PCDHGC3: variants seen among roughly 807,000 people sequenced by gnomAD.
PCDHGC3 encodes the protein protocadherin gamma-C3.
A neutral mutation model predicts 59.2 loss-of-function variants in PCDHGC3; 26 were observed. The observed-to-expected ratio is 0.44, with a 90% CI of 0.32 to 0.61. PCDHGC3 has a LOEUF of 0.61. PCDHGC3 is among the 20% of genes least tolerant of loss of function. The pLI, the probability that PCDHGC3 is intolerant of heterozygous loss-of-function variation, is 0.05. For missense variants in PCDHGC3, 1,080 were observed against 1,221.8 expected (o/e 0.88, Z 1.73); for synonymous variants, 487 against 519.7 (o/e 0.94, Z 0.86).
Position 141,485,495 on chromosome 5 carries a change from T to C in PCDHGC3, c.2430+6949T>C. 1 of 1,613,494 alleles carries C rather than the reference T, an allele frequency of 6.2e-7. No homozygotes were observed. Among genetic ancestry groups the C allele is most frequent in the African/African-American group, 1.3e-5 (1 of 74,780 alleles). On this transcript the variant is annotated intron_variant, in intron 1 of 3. Coordinates refer to ENST00000308177, the MANE Select transcript of PCDHGC3 (RefSeq NM_002588.4). This position sits in a 1 kb window ranked among gnomAD's most constrained non-coding sequence, Gnocchi z 5.7. ...TGCCAGCTGCATCGTGCCCCTGGAG[T>C]TTGTCACCGAAGGTCCTTTGGAAAT...
chr5:141,481,676 G>T (rs975849679), intron 1 of PCDHGC3, among the ~76,000 whole-genome samples: 1 of 152,028 alleles, frequency 6.6e-6, no homozygotes, highest in Non-Finnish European at 1.5e-5. Flanking sequence ...AAATCAGGCC[G>T]GGCCTGGTGG....
rs748972821 is a variant in PCDHGC3 at position 141,476,094 on chromosome 5, GAGAGGAACT to G, written c.-22_-14del. ...TCTCAGGGACGATCTGGACCCCGCT[GAGAGGAACT>G]GCTTTTGAGTGAGATGGTCCCAGAG... is the stretch of plus-strand genomic sequence containing the variant. On this transcript the variant is annotated 5_prime_UTR_variant, in exon 1 of 4. Coordinates refer to ENST00000308177, the MANE Select transcript of PCDHGC3 (RefSeq NM_002588.4). This position sits in a 1 kb window ranked among gnomAD's most constrained non-coding sequence, Gnocchi z 7.6. 6.4e-7 allele frequency: 1 copy of G among 1,568,172 alleles called. No individual in the cohort carries two copies. The highest frequency in any genetic ancestry group is 1.2e-5 in the South Asian group (1 of 85,292).
In PCDHGC3 at chr5:141,477,428, T is replaced by C; in HGVS notation, c.1312T>C (p.Ser438Pro). The change falls in exon 1 of 4, where the codon TCA becomes CCA. Residue 438 changes from serine (S) to proline (P), a missense_variant. Ser to Pro is a moderately conservative substitution (Grantham distance 74). Transcript: ENST00000308177. The surrounding 1 kb of genome is among the most constrained non-coding windows in gnomAD (Gnocchi z 4.9). ...CCGAGACGCCGGAACCCCTTCCCTC[T>C]CAGCCCTTACAATAGTGCGTGTTCA... ...TARDAGTPSL[S>P]ALTIVRVQVS... The C allele has an allele frequency of 6.2e-7, 1 of 1,614,142 alleles. No individual in the cohort carries two copies. Among genetic ancestry groups the C allele is most frequent in the Non-Finnish European group, 8.5e-7 (1 of 1,180,036 alleles).
chr5:141,492,720 A>G (rs1161942205), intron 1 of PCDHGC3, among the ~76,000 whole-genome samples: 1 of 152,256 alleles, frequency 6.6e-6, no homozygotes, highest in East Asian at 1.9e-4. Context: ...GCAGGCGGAC[A>G]GGCAGAGCTG....
chr5:141,500,187 TATTTA>T (rs1467273493), intron 2 of PCDHGC3, among the ~76,000 whole-genome samples: 2 of 110,668 alleles, frequency 1.8e-5, no homozygotes, highest in Non-Finnish European at 3.6e-5. Flanking sequence ...TTTTTATTTT[TATTTA>T]TTTATTTATT....
intron 1 of PCDHGC3, among the ~76,000 whole-genome samples, chr5:141,483,611 A>G (rs2099583566): frequency 6.6e-6 from 1 of 151,952 alleles, no homozygotes; most frequent in South Asian, 2.1e-4. Context: ...TTACACCTCC[A>G]TCATTCCCAT....
chr5:141,510,709 CAGTGAGTAAGGAA>C (rs1452833908), intron 3 of PCDHGC3, among the ~76,000 whole-genome samples: 7 of 152,168 alleles, frequency 4.6e-5, no homozygotes, highest in Admixed American at 4.6e-4. Flanking sequence ...CCCAGGATCA[CAGTGAGTAAGGAA>C]AGGAGCTAGG....
Position 141,505,556 on chromosome 5 carries a change from C to T in PCDHGC3, c.2578+75C>T, listed in dbSNP as rs2233611. ...GGGTGCATCTCACAGCCACCATGCC[C>T]ACGGACTGGATGTCAAACCTGTGTA... On this transcript the variant is annotated intron_variant, in intron 3 of 3. Transcript: ENST00000308177. 1,282 of 1,606,040 alleles carry T rather than the reference C, an allele frequency of 8.0e-4. 6 individuals are homozygous for T. In the African/African-American group the frequency reaches 0.013, roughly 16 times the overall value.
chr5:141,486,645 C>T lies in PCDHGC3; in HGVS notation c.2430+8099C>T, dbSNP rs369948556. ...GACTCTGGCTTGAATGCGCTTATCT[C>T]CTACTCACTCCTGGAGCCCAGGAAT... On this transcript the variant is annotated intron_variant, in intron 1 of 3. Coordinates refer to ENST00000308177, the MANE Select transcript of PCDHGC3 (RefSeq NM_002588.4). This position sits in a 1 kb window ranked among gnomAD's most constrained non-coding sequence, Gnocchi z 5.0. 1.9e-6 allele frequency: 3 copies of T among 1,613,752 alleles called. No individual in the cohort carries two copies. The highest frequency in any genetic ancestry group is 2.2e-5 in the East Asian group (1 of 44,896).
chr5:141,491,648 T>G lies in PCDHGC3; in HGVS notation c.2431-3159T>G, dbSNP rs756792762. 1 of 1,613,834 alleles carries G rather than the reference T, an allele frequency of 6.2e-7. No individual in the cohort carries two copies. Among genetic ancestry groups the G allele is most frequent in the Non-Finnish European group, 8.5e-7 (1 of 1,180,002 alleles). On this transcript the variant is annotated intron_variant, in intron 1 of 3. Coordinates refer to ENST00000308177, the MANE Select transcript of PCDHGC3 (RefSeq NM_002588.4). This position sits in a 1 kb window ranked among gnomAD's most constrained non-coding sequence, Gnocchi z 6.9. Reference sequence around the variant, plus strand: ...GTTCAGCAGCCCACAGCTCTGGCGCTGGAGCCTGACGCCATCCGGTCCCGC... The same window carrying G: ...GTTCAGCAGCCCACAGCTCTGGCGCGGGAGCCTGACGCCATCCGGTCCCGC...
chr5:141,502,331 G>C lies in PCDHGC3; in HGVS notation c.2490-3062G>C, dbSNP rs555959890. ...TCCTTTAATCTGGAGCCAGCTCCCA[G>C]TCTTTTTATTTTTTTAATGACATGG... On this transcript the variant is annotated intron_variant, in intron 2 of 3. Transcript: ENST00000308177. Among the ~76,000 whole-genome samples, 42 of 152,102 alleles carry C rather than the reference G, an allele frequency of 2.8e-4. No individual in the cohort carries two copies. The South Asian group carries it at 6.2e-3, about 23-fold the overall frequency.
intron 2 of PCDHGC3, among the ~76,000 whole-genome samples, chr5:141,495,902 C>T (rs749735668): frequency 2.6e-5 from 4 of 152,120 alleles, no homozygotes; most frequent in Non-Finnish European, 2.9e-5. Context: ...TTGTCTCTGT[C>T]TCTGTATATC....
intron 1 of PCDHGC3, among the ~76,000 whole-genome samples, chr5:141,488,289 TAAGTGAA>T (rs1389982829): frequency 6.6e-6 from 1 of 152,186 alleles, no homozygotes; most frequent in Non-Finnish European, 1.5e-5. Context: ...GAAAAAACAG[TAAGTGAA>T]ATCACTTATG....
rs1360364370 is a variant in PCDHGC3, at chr5:141,491,814, G to A, written c.2431-2993G>A. 1 of 1,486,114 alleles carries A rather than the reference G, an allele frequency of 6.7e-7. No individual in the cohort carries two copies. The allele number at this position is 1,486,114 out of a possible 1,614,324, so 92.1% of individuals were successfully genotyped here. On this transcript the variant is annotated intron_variant, in intron 1 of 3. Transcript: ENST00000308177. This position sits in a 1 kb window ranked among gnomAD's most constrained non-coding sequence, Gnocchi z 6.9. ...TCCTCTCCGGCCGGCTTGGTCGCTGGCTGCGCTCCACCCGATTCTCGGGAT... is the reference window on the plus strand; with the variant it reads ...TCCTCTCCGGCCGGCTTGGTCGCTGACTGCGCTCCACCCGATTCTCGGGAT...
chr5:141,483,168 C>A (rs750259590), intron 1 of PCDHGC3, among the ~76,000 whole-genome samples: 3 of 152,104 alleles, frequency 2.0e-5, no homozygotes, highest in Non-Finnish European at 4.4e-5. Context: ...CCTGAGTTAC[C>A]TTTGGGCCAA....
Position 141,485,538 on chromosome 5 carries a change from A to T in PCDHGC3, c.2430+6992A>T. ...TTGGAAATGTACCGAGCAGAGGTAG[A>T]GATCGTAGATGTGAATGATCACGCC... On this transcript the variant is annotated intron_variant, in intron 1 of 3. Transcript: ENST00000308177. The surrounding 1 kb of genome is among the most constrained non-coding windows in gnomAD (Gnocchi z 5.7). The T allele has an allele frequency of 6.2e-7, 1 of 1,614,162 alleles. No individual in the cohort carries two copies. Among genetic ancestry groups the T allele is most frequent in the Admixed American group, 1.7e-5 (1 of 60,012 alleles).
chr5:141,500,184 TTTTA>T (rs58019021), intron 2 of PCDHGC3, among the ~76,000 whole-genome samples: 6,359 of 135,894 alleles, frequency 0.047, 285 homozygotes, highest in African/African-American at 0.12. Context: ...TCATTTTTAT[TTTTA>T]TTTATTTATT....
In PCDHGC3 at chr5:141,511,925, G is replaced by C. The variant is rs2099884008; in HGVS notation, c.*752G>C. 1 of 155,320 alleles carries C rather than the reference G, an allele frequency of 6.4e-6. No homozygotes were observed. Among genetic ancestry groups the C allele is most frequent in the Admixed American group, 6.3e-5 (1 of 15,924 alleles). 9.6% of individuals were successfully genotyped at this position (155,320 alleles called of 1,614,324 possible). A position where few individuals can be genotyped will look rare whatever the true frequency, so the allele number is the denominator to read the frequency against. ...CCTCAAACAAGAGACTCCACTGCAT[G>C]TTCCAAGACAGTATGGGGTGGTAAG... On this transcript the variant is annotated 3_prime_UTR_variant, in exon 4 of 4. Coordinates refer to ENST00000308177, the MANE Select transcript of PCDHGC3 (RefSeq NM_002588.4).
At chr5:141,492,512 T>A (rs2099741406) in intron 1 of PCDHGC3, among the ~76,000 whole-genome samples, 1 of 152,116 alleles carries the variant, frequency 6.6e-6, no homozygotes, top group Admixed American at 6.5e-5. Flanking sequence ...GAGCCTCCTC[T>A]CACCTCTCCC....
Sources: gnomAD v4.1 joint callset for allele counts (sites outside exome capture counted in the v4.1 genomes callset) on GRCh38, gnomAD v4.1.1 for gene constraint, Gnocchi (gnomAD v3.1) non-coding constraint, MANE v1.5 for transcripts, NCBI Gene and HGNC (gene_info 2026-07-23, HGNC 2026-07-21) for gene names.